SLC9A9: variants seen among roughly 807,000 people sequenced by gnomAD.
The protein encoded by SLC9A9 is solute carrier family 9 member A9.
SLC9A9 carries 62 observed loss-of-function variants against 77.8 expected under a neutral mutation model. That is an observed-to-expected ratio of 0.80 (90% CI 0.65 to 0.98). The LOEUF is 0.98. SLC9A9 is among the 50% of genes least tolerant of loss of function. The probability of loss-of-function intolerance (pLI) is 0.00; values close to 1 mark genes in which losing one functional copy is unlikely to be tolerated. For missense variants in SLC9A9, 775 were observed against 774.9 expected (o/e 1.00, Z 0.00); for synonymous variants, 320 against 283.5 (o/e 1.13, Z -1.29).
At chr3:143,555,660 T>G (rs1576574449) in intron 8 of SLC9A9, among the ~76,000 whole-genome samples, 1 of 152,256 alleles carries the variant, frequency 6.6e-6, no homozygotes. Context: ...AAAAAATATT[T>G]CTGATATCCC....
At chr3:143,340,481 G>A (rs2032064070) in intron 14 of SLC9A9, among the ~76,000 whole-genome samples, 1 of 152,136 alleles carries the variant, frequency 6.6e-6, no homozygotes, top group Non-Finnish European at 1.5e-5. Context: ...AATAAAACAG[G>A]TACTAATGAG....
chr3:143,760,685 TAA>T (rs2007089087), intron 4 of SLC9A9, among the ~76,000 whole-genome samples: 1 of 151,862 alleles, frequency 6.6e-6, no homozygotes, highest in Non-Finnish European at 1.5e-5. Flanking sequence ...CTCAACAAAA[TAA>T]AAGAGGACAC....
chr3:143,824,374 G>C (rs1442138367), intron 2 of SLC9A9, among the ~76,000 whole-genome samples: 1 of 151,904 alleles, frequency 6.6e-6, no homozygotes, highest in Non-Finnish European at 1.5e-5. Context: ...TTTGTCCTCT[G>C]CTTTGAAATT....
Position 143,410,000 on chromosome 3 carries a change from GAGA to G in SLC9A9, c.1470-27889_1470-27887del, listed in dbSNP as rs2034061713. ...TAACTACTTCAGGGACACGTCTCTT[GAGA>G]AGTTCACTTGTTTCCTAAGTAGGGC... On this transcript the variant is annotated intron_variant, in intron 12 of 15. Coordinates refer to ENST00000316549, the MANE Select transcript of SLC9A9 (RefSeq NM_173653.4). Among the ~76,000 whole-genome samples, 5 of 152,330 alleles carry G rather than the reference GAGA, an allele frequency of 3.3e-5. No homozygotes were observed. In the South Asian group the frequency reaches 1.0e-3, roughly 32 times the overall value.
intron 9 of SLC9A9, among the ~76,000 whole-genome samples, chr3:143,523,567 G>A (rs1042467605): frequency 1.3e-5 from 2 of 152,062 alleles, no homozygotes; most frequent in Admixed American, 6.5e-5. Flanking sequence ...CCAGCTCTTC[G>A]GTTGCATGCT....
At chr3:143,476,233 G>A (rs1332495430) in intron 11 of SLC9A9, among the ~76,000 whole-genome samples, 1 of 152,170 alleles carries the variant, frequency 6.6e-6, no homozygotes, top group Non-Finnish European at 1.5e-5. Context: ...GAAGCCAACA[G>A]ATTGTTTTCA....
intron 4 of SLC9A9, among the ~76,000 whole-genome samples, chr3:143,720,242 T>C (rs1363366927): frequency 6.8e-6 from 1 of 146,452 alleles, no homozygotes; most frequent in Non-Finnish European, 1.5e-5. Flanking sequence ...ATGTATTTTA[T>C]ATATATATAT....
chr3:143,708,952 G>A (rs1253594183), intron 4 of SLC9A9, among the ~76,000 whole-genome samples: 1 of 152,162 alleles, frequency 6.6e-6, no homozygotes, highest in Admixed American at 6.5e-5. Context: ...GAGGGAAGGA[G>A]AACCATGGTC....
chr3:143,334,585 C>T (rs2031868505), intron 14 of SLC9A9, among the ~76,000 whole-genome samples: 1 of 152,160 alleles, frequency 6.6e-6, no homozygotes, highest in African/African-American at 2.4e-5. Context: ...AGTAGCAACC[C>T]TTACCTCATA....
Position 143,848,289 on chromosome 3 carries a change from C to T in SLC9A9, c.34G>A (p.Asp12Asn), listed in dbSNP as rs781609654. ...ERQSRVMSEK[D>N]EYQFQHQGAV... ...CCCTGATGTTGAAACTGATACTCAT[C>T]CTTTTCTGACATAACCCTTGACTGT... The change falls in exon 1 of 16, where the codon GAT becomes AAT. Residue 12 changes from aspartate to asparagine, a missense_variant. Physicochemically the swap from Asp to Asn is conservative, Grantham distance 23. Coordinates refer to ENST00000316549, the MANE Select transcript of SLC9A9 (RefSeq NM_173653.4). 6.2e-7 allele frequency: 1 copy of T among 1,613,996 alleles called. No individual in the cohort carries two copies. Among genetic ancestry groups the T allele is most frequent in the Non-Finnish European group, 8.5e-7 (1 of 1,179,886 alleles).
At chr3:143,607,731 A>G (rs2037951775) in intron 6 of SLC9A9, among the ~76,000 whole-genome samples, 1 of 151,996 alleles carries the variant, frequency 6.6e-6, no homozygotes, top group South Asian at 2.1e-4. Flanking sequence ...ATCAGGAAAG[A>G]GGAAAACAAG....
chr3:143,597,318 A>T (rs1156696297), intron 6 of SLC9A9, among the ~76,000 whole-genome samples: 1 of 152,136 alleles, frequency 6.6e-6, no homozygotes, highest in African/African-American at 2.4e-5. Context: ...ACGGCTTGAC[A>T]TGGTGGGCAC....
At chr3:143,530,427 G>A (rs2036487000) in intron 9 of SLC9A9, among the ~76,000 whole-genome samples, 1 of 152,116 alleles carries the variant, frequency 6.6e-6, no homozygotes. Flanking sequence ...CACAGTGTAA[G>A]ACTTGCCTTT....
chr3:143,410,142 AG>A (rs1230469530), intron 12 of SLC9A9, among the ~76,000 whole-genome samples: 1 of 152,104 alleles, frequency 6.6e-6, no homozygotes, highest in African/African-American at 2.4e-5. Flanking sequence ...AGTAGAGGAG[AG>A]GGTTGGAGAG....
chr3:143,841,888 G>A (rs1294467360), intron 1 of SLC9A9, among the ~76,000 whole-genome samples: 6 of 151,880 alleles, frequency 4.0e-5, no homozygotes, highest in African/African-American at 1.2e-4. Flanking sequence ...CGAGTAGCTC[G>A]GATTACAGGC....
At chr3:143,797,965 G>A (rs1490154923) in intron 2 of SLC9A9, among the ~76,000 whole-genome samples, 3 of 152,094 alleles carry the variant, frequency 2.0e-5, no homozygotes, top group African/African-American at 7.2e-5. Flanking sequence ...CTCGGATCAG[G>A]GGACCACCCT....
At chr3:143,539,582 A>T (rs546507196) in intron 9 of SLC9A9, among the ~76,000 whole-genome samples, 1 of 152,316 alleles carries the variant, frequency 6.6e-6, no homozygotes, top group East Asian at 1.9e-4. Context: ...AAATGCCATT[A>T]TGAGACTGAA....
At chr3:143,588,406 T>C (rs2037591574) in intron 6 of SLC9A9, among the ~76,000 whole-genome samples, 1 of 152,150 alleles carries the variant, frequency 6.6e-6, no homozygotes, top group Non-Finnish European at 1.5e-5. Context: ...ATGATTTAGG[T>C]TGGAGCCAGG....
At chr3:143,538,016 T>G (rs1385420200) in intron 9 of SLC9A9, among the ~76,000 whole-genome samples, 1 of 152,228 alleles carries the variant, frequency 6.6e-6, no homozygotes, top group Non-Finnish European at 1.5e-5. Flanking sequence ...CCAAATTCCT[T>G]CTTTTGGGTT....
Sources: allele counts gnomAD v4.1 joint callset (sites outside exome capture counted in the v4.1 genomes callset), GRCh38; gene constraint gnomAD v4.1.1; transcripts MANE v1.5; gene names NCBI Gene and HGNC (gene_info 2026-07-23, HGNC 2026-07-21).